Variants in HDAC9 observed in about 807,000 individuals in gnomAD.
HDAC9 encodes the protein histone deacetylase 9, also known as MEF-2 interacting transcription repressor (MITR) protein.
Under a neutral mutation model 139.4 loss-of-function variants are expected in HDAC9, and 41 were observed. The ratio of observed to expected loss-of-function variants is 0.29; its 90% CI spans 0.23 to 0.38. The LOEUF is 0.38. Ranked by LOEUF, HDAC9 falls within the 10% of genes least tolerant of loss-of-function variation. The pLI, the probability that HDAC9 is intolerant of heterozygous loss-of-function variation, is 1.00. For synonymous variants in HDAC9, 517 were observed against 476.2 expected (o/e 1.09, Z -1.12); for missense variants, 1,147 against 1,297.0 (o/e 0.88, Z 1.78).
chr7:18,694,727 C>G (rs926472437), intron 12 of HDAC9, among the ~76,000 whole-genome samples: 1 of 152,028 alleles, frequency 6.6e-6, no homozygotes, highest in Non-Finnish European at 1.5e-5. Flanking sequence ...TGTATCTGCC[C>G]TGATTGACTC....
chr7:18,272,548 A>T (rs115459650), intron 2 of HDAC9, among the ~76,000 whole-genome samples: 1 of 152,170 alleles, frequency 6.6e-6, no homozygotes, highest in Admixed American at 6.5e-5. Flanking sequence ...ACAAAATGCA[A>T]TGGAAGCTGT....
chr7:18,892,251 C>G (rs780774537), intron 22 of HDAC9: 2 of 152,138 alleles, frequency 1.3e-5, no homozygotes, highest in Non-Finnish European at 1.5e-5. Flanking sequence ...TTAAAATTCT[C>G]TATCTAGAAT....
chr7:18,753,277 A>T (rs1406518079), intron 14 of HDAC9, among the ~76,000 whole-genome samples: 1 of 152,050 alleles, frequency 6.6e-6, no homozygotes, highest in African/African-American at 2.4e-5. Context: ...ATTGTGCTTG[A>T]GCAAGAAAAA....
intron 21 of HDAC9, among the ~76,000 whole-genome samples, chr7:18,838,498 A>G (rs1277731901): frequency 6.6e-6 from 1 of 152,002 alleles, no homozygotes; most frequent in Non-Finnish European, 1.5e-5. Flanking sequence ...TGGCTCAAGG[A>G]CATGAGGTGG....
intron 2 of HDAC9, among the ~76,000 whole-genome samples, chr7:18,533,168 G>A (rs1035265825): frequency 4.6e-5 from 7 of 152,002 alleles, no homozygotes; most frequent in African/African-American, 1.7e-4. Flanking sequence ...CTATTTATCT[G>A]GTTTTGTATA....
At chr7:18,544,909 T>A (rs1356371027) in intron 2 of HDAC9, among the ~76,000 whole-genome samples, 1 of 152,186 alleles carries the variant, frequency 6.6e-6, no homozygotes, top group Non-Finnish European at 1.5e-5. Flanking sequence ...ATAGGAGTGA[T>A]TTTGCCCTCC....
intron 12 of HDAC9, among the ~76,000 whole-genome samples, chr7:18,697,671 T>G (rs1206891491): frequency 9.2e-5 from 14 of 152,198 alleles, no homozygotes. Context: ...TCTTATCCCT[T>G]GAGTCACCAT....
At chr7:18,923,728 C>T (rs969788788) in intron 22 of HDAC9, among the ~76,000 whole-genome samples, 1 of 151,988 alleles carries the variant, frequency 6.6e-6, no homozygotes, top group African/African-American at 2.4e-5. Context: ...ACAAGTAGAC[C>T]ATGGCTTAAG....
intron 21 of HDAC9, among the ~76,000 whole-genome samples, chr7:18,870,281 T>G (rs1235249624): frequency 2.0e-5 from 3 of 152,190 alleles, no homozygotes. Flanking sequence ...ACATCATGCC[T>G]CCTCAATCTC....
intron 8 of HDAC9, among the ~76,000 whole-genome samples, chr7:18,634,978 A>G (rs1393391901): frequency 2.0e-5 from 3 of 152,062 alleles, no homozygotes; most frequent in African/African-American, 7.2e-5. Context: ...ATAAATATCA[A>G]TTTTTTTCTT....
chr7:18,753,489 A>G (rs1788620351), intron 14 of HDAC9, among the ~76,000 whole-genome samples: 1 of 152,106 alleles, frequency 6.6e-6, no homozygotes, highest in South Asian at 2.1e-4. Flanking sequence ...AGGACAAAAA[A>G]TAAGGAATCT....
At chr7:18,622,612 G>T (rs1052706404) in intron 6 of HDAC9, among the ~76,000 whole-genome samples, 31 of 151,934 alleles carry the variant, frequency 2.0e-4, no homozygotes, top group Admixed American at 1.2e-3. Flanking sequence ...GTGAGCCACC[G>T]TGCCCGGCCT....
At chr7:18,613,106 A>G (rs942779771) in intron 6 of HDAC9, among the ~76,000 whole-genome samples, 24 of 147,988 alleles carry the variant, frequency 1.6e-4, no homozygotes, top group Non-Finnish European at 2.5e-4. Context: ...TTATATATAA[A>G]TATATATAAG....
chr7:18,718,533 G>T (rs1410068966), intron 12 of HDAC9, among the ~76,000 whole-genome samples: 1 of 152,092 alleles, frequency 6.6e-6, no homozygotes, highest in Non-Finnish European at 1.5e-5. Context: ...GTGCCTGGCA[G>T]GTGTGTGGTC....
intron 22 of HDAC9, among the ~76,000 whole-genome samples, chr7:18,921,464 C>A (rs562117353): frequency 6.6e-6 from 1 of 152,032 alleles, no homozygotes; most frequent in East Asian, 1.9e-4. Context: ...GCAGCCAAAA[C>A]ACACATGAAA....
chr7:18,546,804 C>G (rs1401067269), intron 2 of HDAC9, among the ~76,000 whole-genome samples: 1 of 152,184 alleles, frequency 6.6e-6, no homozygotes, highest in Non-Finnish European at 1.5e-5. Flanking sequence ...CACAGTGAAA[C>G]TTCTCTCCGT....
At chr7:18,815,569 A>C (rs17140017) in intron 17 of HDAC9, among the ~76,000 whole-genome samples, 4,410 of 152,308 alleles carry the variant, frequency 0.029, 205 homozygotes, top group African/African-American at 0.1. Flanking sequence ...TCACGAATGC[A>C]TTTAGTCCTG....
At chr7:18,229,267 C>T (rs921305917) in intron 2 of HDAC9, among the ~76,000 whole-genome samples, 2 of 152,168 alleles carry the variant, frequency 1.3e-5, no homozygotes, top group African/African-American at 4.8e-5. Context: ...GCCACTGTGT[C>T]ACATATACAT....
intron 1 of HDAC9, among the ~76,000 whole-genome samples, chr7:18,088,267 C>A (rs1341967867): frequency 6.6e-6 from 1 of 152,052 alleles, no homozygotes; most frequent in Non-Finnish European, 1.5e-5. Context: ...TTAACTTCTA[C>A]CAGAAAAGAA....
Sources: allele counts gnomAD v4.1 joint callset (sites outside exome capture counted in the v4.1 genomes callset), GRCh38; gene constraint gnomAD v4.1.1; transcripts MANE v1.5; gene names NCBI Gene and HGNC (gene_info 2026-07-23, HGNC 2026-07-21).